The following C1QTNF3 variants were observed in gnomAD, a reference collection of about 807,000 sequenced individuals.
C1QTNF3 encodes complement C1q tumor necrosis factor-related protein 3.
C1QTNF3 carries 26 observed loss-of-function variants against 32.6 expected under a neutral mutation model. The observed-to-expected ratio is 0.80, with a 90% confidence interval of 0.58 to 1.11. The LOEUF is 1.11. C1QTNF3 is among the 50% of genes least tolerant of loss of function. The pLI, the probability that C1QTNF3 is intolerant of heterozygous loss-of-function variation, is 0.00. For synonymous variants in C1QTNF3, 155 were observed against 146.0 expected (o/e 1.06, Z -0.44); for missense variants, 362 against 398.2 (o/e 0.91, Z 0.77).
chr5:34,236,631 T>C, the C1QTNF3 span, among the ~76,000 whole-genome samples: 5 of 124,164 alleles, frequency 4.0e-5, no homozygotes, highest in African/African-American at 1.2e-4. Context: ...TGTAGCGCAG[T>C]GGTGGGATCT....
At chr5:34,054,967 C>T in the C1QTNF3 span, among the ~76,000 whole-genome samples, 4 of 152,134 alleles carry the variant, frequency 2.6e-5, no homozygotes, top group East Asian at 7.7e-4. Context: ...CACATGTTGT[C>T]TTAGGCAGAA....
the C1QTNF3 span, among the ~76,000 whole-genome samples, chr5:34,115,261 A>AT: frequency 6.6e-6 from 1 of 152,144 alleles, no homozygotes; most frequent in East Asian, 1.9e-4. Flanking sequence ...TTTAAAAATT[A>AT]TATCTTCATA....
At chr5:34,153,743 T>G in the C1QTNF3 span, among the ~76,000 whole-genome samples, 1 of 102,070 alleles carries the variant, frequency 9.8e-6, no homozygotes, top group African/African-American at 3.9e-5. Context: ...CATTGGGAGA[T>G]ATACCTAATG....
the C1QTNF3 span, among the ~76,000 whole-genome samples, chr5:34,213,323 T>A: frequency 2.6e-5 from 4 of 152,058 alleles, no homozygotes; most frequent in South Asian, 2.1e-4. Context: ...TCAGAACATA[T>A]CCTCATTGCT....
chr5:34,229,601 T>C, the C1QTNF3 span, among the ~76,000 whole-genome samples: 1 of 152,176 alleles, frequency 6.6e-6, no homozygotes, highest in Non-Finnish European at 1.5e-5. Context: ...TCATAGATTT[T>C]AGATGGCCAA....
At chr5:34,213,276 G>A in the C1QTNF3 span, among the ~76,000 whole-genome samples, 2 of 152,082 alleles carry the variant, frequency 1.3e-5, no homozygotes, top group African/African-American at 4.8e-5. Flanking sequence ...ACTCTATGAA[G>A]TTTGCACAGT....
At chr5:34,223,223 T>C in the C1QTNF3 span, among the ~76,000 whole-genome samples, 1 of 140,844 alleles carries the variant, frequency 7.1e-6, no homozygotes, top group African/African-American at 2.6e-5. Context: ...CCTGTGTCCA[T>C]GTGTTCTCAT....
the C1QTNF3 span, among the ~76,000 whole-genome samples, chr5:34,222,310 G>A: frequency 6.6e-6 from 1 of 151,622 alleles, no homozygotes; most frequent in African/African-American, 2.4e-5. Flanking sequence ...ATTCAACTAG[G>A]GCACAATTGT....
At chr5:34,174,348 C>A in the C1QTNF3 span, among the ~76,000 whole-genome samples, 1 of 152,046 alleles carries the variant, frequency 6.6e-6, no homozygotes, top group Non-Finnish European at 1.5e-5. Flanking sequence ...TGAGCCACTG[C>A]ACTGAGCCTA....
the C1QTNF3 span, among the ~76,000 whole-genome samples, chr5:34,230,798 A>T: frequency 1.7e-5 from 2 of 120,942 alleles, no homozygotes; most frequent in African/African-American, 5.0e-5. Context: ...TTTTTATCTT[A>T]TTAAAACAAA....
the C1QTNF3 span, among the ~76,000 whole-genome samples, chr5:34,056,450 G>GTATATATATA: frequency 2.1e-5 from 1 of 48,640 alleles, no homozygotes; most frequent in African/African-American, 7.7e-5. Context: ...GTGTGTGTGT[G>GTATATATATA]TGTGTATATA....
the C1QTNF3 span, among the ~76,000 whole-genome samples, chr5:34,175,195 C>T: frequency 2.6e-5 from 4 of 152,138 alleles, no homozygotes; most frequent in Admixed American, 2.6e-4. Flanking sequence ...AGGCACACAC[C>T]ACCACACCTA....
the C1QTNF3 span, chr5:34,168,317 A>T: frequency 6.7e-6 from 1 of 149,886 alleles, no homozygotes; most frequent in Non-Finnish European, 1.5e-5. Context: ...GTGTGTATTA[A>T]TATATTTTCC....
At chr5:34,140,074 T>C in the C1QTNF3 span, among the ~76,000 whole-genome samples, 4 of 152,298 alleles carry the variant, frequency 2.6e-5, no homozygotes, top group East Asian at 5.8e-4. Context: ...ACTGTCACAA[T>C]GGAAGCTATA....
the C1QTNF3 span, among the ~76,000 whole-genome samples, chr5:34,095,809 A>T: frequency 6.6e-6 from 1 of 152,020 alleles, no homozygotes; most frequent in Non-Finnish European, 1.5e-5. Flanking sequence ...AACACAGAGA[A>T]CAAAGAAAAT....
At chr5:34,112,119 C>T in the C1QTNF3 span, among the ~76,000 whole-genome samples, 1 of 152,106 alleles carries the variant, frequency 6.6e-6, no homozygotes, top group Non-Finnish European at 1.5e-5. Context: ...TCATTGTTTC[C>T]CTATTATTTG....
chr5:34,177,623 A>C, the C1QTNF3 span, among the ~76,000 whole-genome samples: 1 of 150,928 alleles, frequency 6.6e-6, no homozygotes, highest in Non-Finnish European at 1.5e-5. Context: ...AGTAGCTGGG[A>C]TTACAGGTAC....
the C1QTNF3 span, among the ~76,000 whole-genome samples, chr5:34,213,074 G>A: frequency 1.1e-4 from 16 of 152,226 alleles, no homozygotes; most frequent in South Asian, 2.1e-4. Flanking sequence ...TCTATATCAC[G>A]ATGACTCATT....
chr5:34,058,086 T>A, the C1QTNF3 span, among the ~76,000 whole-genome samples: 1 of 152,186 alleles, frequency 6.6e-6, no homozygotes, highest in African/African-American at 2.4e-5. Context: ...TCTACCACAC[T>A]TGCAGACACT....
Sources: gnomAD v4.1 joint callset for allele counts (sites outside exome capture counted in the v4.1 genomes callset) on GRCh38, gnomAD v4.1.1 for gene constraint, MANE v1.5 for transcripts, NCBI Gene and HGNC (gene_info 2026-07-23, HGNC 2026-07-21) for gene names.